PRTG: variants seen among roughly 807,000 people sequenced by gnomAD.
The protein encoded by PRTG is protogenin, also known as immunoglobulin superfamily, DCC subclass, member 5.
Under a neutral mutation model 122.5 loss-of-function variants are expected in PRTG, and 67 were observed. That is an observed-to-expected ratio of 0.55 (90% CI 0.45 to 0.67). PRTG has a LOEUF of 0.67. Among genes scored for constraint, PRTG ranks in the 30% least tolerant of loss-of-function variants. PRTG has a pLI of 0.00. For missense variants in PRTG, 1,435 were observed against 1,415.4 expected (o/e 1.01, Z -0.22); for synonymous variants, 554 against 501.1 (o/e 1.11, Z -1.41).
intron 11 of PRTG, among the ~76,000 whole-genome samples, chr15:55,660,274 A>G (rs1240567009): frequency 6.6e-6 from 1 of 152,214 alleles, no homozygotes; most frequent in African/African-American, 2.4e-5. Flanking sequence ...AAACAAAACA[A>G]AAACCACAAG....
At chr15:55,737,839 C>CA (rs1281906176) in intron 2 of PRTG, among the ~76,000 whole-genome samples, 1 of 150,638 alleles carries the variant, frequency 6.6e-6, no homozygotes, top group Non-Finnish European at 1.5e-5. Flanking sequence ...TCTGTACAAC[C>CA]AAAAAAATAT....
intron 12 of PRTG, 59 bp from the exon 13 acceptor site, chr15:55,639,887 G>T: frequency 6.4e-7 from 1 of 1,572,274 alleles, no homozygotes; most frequent in East Asian, 2.2e-5. Context: ...ATAGAAAGTG[G>T]TAAAATGGTA....
At chr15:55,631,836 T>C (rs190684463) in intron 15 of PRTG, among the ~76,000 whole-genome samples, 123 of 152,350 alleles carry the variant, frequency 8.1e-4, no homozygotes, top group African/African-American at 2.7e-3. Flanking sequence ...TAAACTATTA[T>C]TGGCAAGTAT....
intron 2 of PRTG, among the ~76,000 whole-genome samples, chr15:55,692,063 AAGAT>A (rs759942239): frequency 6.6e-6 from 1 of 152,150 alleles, no homozygotes; most frequent in Middle Eastern, 3.2e-3. Context: ...AAATAAGAAA[AAGAT>A]AGAAAAGTAT....
At chr15:55,686,762 T>C (rs972570395) in intron 2 of PRTG, among the ~76,000 whole-genome samples, 2 of 152,356 alleles carry the variant, frequency 1.3e-5, no homozygotes, top group African/African-American at 4.8e-5. Flanking sequence ...GAGCTACTTA[T>C]AATTCACGAA....
chr15:55,689,993 G>T (rs1176084655), intron 2 of PRTG, among the ~76,000 whole-genome samples: 1 of 151,528 alleles, frequency 6.6e-6, no homozygotes, highest in Non-Finnish European at 1.5e-5. Context: ...ATGGCAACAT[G>T]CGATAGTATT....
chr15:55,705,886 C>T (rs1235378546), intron 2 of PRTG, among the ~76,000 whole-genome samples: 1 of 141,964 alleles, frequency 7.0e-6, no homozygotes, highest in African/African-American at 2.6e-5. Context: ...GAAGGAGTCT[C>T]ACTCTGTCAC....
chr15:55,675,474 A>G, intron 9 of PRTG, 45 bp downstream of exon 9: 1 of 1,369,954 alleles, frequency 7.3e-7, no homozygotes, highest in East Asian at 2.3e-5. Flanking sequence ...TTGACAAAAC[A>G]TACGAATGTT....
intron 11 of PRTG, among the ~76,000 whole-genome samples, chr15:55,653,587 C>T (rs535083041): frequency 6.6e-6 from 1 of 152,172 alleles, no homozygotes; most frequent in Admixed American, 6.5e-5. Context: ...CCTCAGCCTC[C>T]TGAGTAGCTG....
chr15:55,640,015 G>A (rs546782419), intron 12 of PRTG, 187 bp from the exon 13 acceptor site: 15 of 913,164 alleles, frequency 1.6e-5, no homozygotes, highest in Non-Finnish European at 1.8e-5. Context: ...TATATAAGAA[G>A]TCAAAAACAG....
In PRTG at chr15:55,673,565, C is replaced by T. The variant is rs1407222740; in HGVS notation, c.1658G>A (p.Arg553His). 1.9e-5 allele frequency: 31 copies of T among 1,613,994 alleles called. No homozygotes were observed. Among genetic ancestry groups the T allele is most frequent in the Non-Finnish European group, 2.5e-5 (30 of 1,180,032 alleles). The change falls in exon 10 of 20, where the codon CGC (arginine) becomes CAC (histidine). Residue 553 changes from arginine to histidine, a missense_variant. Transcript: ENST00000389286. Reference sequence around the variant, plus strand: ...CTCAGTACTTAGGCGGAAAGACAAGCGATACAGCACCACTTGGCCCCGCCG... The same window carrying T: ...CTCAGTACTTAGGCGGAAAGACAAGTGATACAGCACCACTTGGCCCCGCCG... ...KYRRGQVVLY[R>H]LSFRLSTENS...
At chr15:55,670,160 A>G (rs1182156107) in intron 11 of PRTG, among the ~76,000 whole-genome samples, 4 of 152,130 alleles carry the variant, frequency 2.6e-5, no homozygotes, top group Non-Finnish European at 5.9e-5. Context: ...ATATATATGC[A>G]TATATGTATC....
At position 55,619,796 on chromosome 15, in the gene PRTG, G is replaced by C; in HGVS notation, c.*216C>G. On this transcript the variant is annotated 3_prime_UTR_variant, in exon 20 of 20. Coordinates refer to ENST00000389286, the MANE Select transcript of PRTG (RefSeq NM_173814.6). ...AAAGATATTAAGATTTTCACAAAAG[G>C]CTTTGGTTCCCTGTTCATTGTCCTT... is the stretch of plus-strand genomic sequence containing the variant. 1.5e-6 allele frequency: 1 copy of C among 667,594 alleles called. No homozygotes were observed. Among genetic ancestry groups the C allele is most frequent in the Non-Finnish European group, 2.3e-6 (1 of 426,590 alleles). The allele number at this position is 667,594 out of a possible 1,614,324, so 41.4% of individuals were successfully genotyped here.
chr15:55,639,105 A>C (rs1469581875), intron 13 of PRTG, among the ~76,000 whole-genome samples: 1 of 152,168 alleles, frequency 6.6e-6, no homozygotes, highest in Non-Finnish European at 1.5e-5. Context: ...CCAAGTAGCC[A>C]GGACTACAGG....
intron 2 of PRTG, among the ~76,000 whole-genome samples, chr15:55,699,334 A>C (rs1331468679): frequency 6.6e-6 from 1 of 152,148 alleles, no homozygotes; most frequent in Non-Finnish European, 1.5e-5. Context: ...TGAATACTCA[A>C]CAAGAGAACA....
chr15:55,705,485 G>A (rs1269653445), intron 2 of PRTG, among the ~76,000 whole-genome samples: 2 of 152,050 alleles, frequency 1.3e-5, no homozygotes, highest in Admixed American at 6.6e-5. Flanking sequence ...TGTGAGAGAG[G>A]GTCTCGCTCT....
intron 2 of PRTG, among the ~76,000 whole-genome samples, chr15:55,705,499 G>A (rs2030066947): frequency 1.3e-5 from 2 of 152,118 alleles, no homozygotes; most frequent in South Asian, 2.1e-4. Flanking sequence ...TCGCTCTGTC[G>A]CTGGAGTGCA....
intron 11 of PRTG, among the ~76,000 whole-genome samples, chr15:55,652,674 G>C (rs1300653053): frequency 6.6e-6 from 1 of 152,212 alleles, no homozygotes; most frequent in Non-Finnish European, 1.5e-5. Flanking sequence ...CGCTAAGGGG[G>C]ATGGGTGGGA....
At chr15:55,644,868 T>C (rs2059311755) in intron 11 of PRTG, among the ~76,000 whole-genome samples, 1 of 151,778 alleles carries the variant, frequency 6.6e-6, no homozygotes, top group Non-Finnish European at 1.5e-5. Context: ...AATAAAGGAG[T>C]GAGAAACCCC....
Sources: gnomAD v4.1 joint callset for allele counts (sites outside exome capture counted in the v4.1 genomes callset) on GRCh38, gnomAD v4.1.1 for gene constraint, MANE v1.5 for transcripts, NCBI Gene and HGNC (gene_info 2026-07-23, HGNC 2026-07-21) for gene names.